The following NOP58 variants were observed in gnomAD, a reference collection of about 807,000 sequenced individuals.
NOP58 encodes the protein nucleolar protein 58.
Under a neutral mutation model 71.2 loss-of-function variants are expected in NOP58, and 44 were observed. The ratio of observed to expected loss-of-function variants is 0.62; its 90% CI spans 0.49 to 0.79. NOP58 has a LOEUF of 0.79. NOP58 is among the 30% of genes least tolerant of loss of function. The pLI, the probability that NOP58 is intolerant of heterozygous loss-of-function variation, is 0.00. For synonymous variants in NOP58, 228 were observed against 200.3 expected, an observed-to-expected ratio of 1.14 and a Z score of -1.17; for missense variants, 538 against 620.2, an observed-to-expected ratio of 0.87 and a Z score of 1.41.
intron 1 of NOP58, among the ~76,000 whole-genome samples, chr2:202,271,127 C>T (rs1166635238): frequency 6.6e-6 from 1 of 152,000 alleles, no homozygotes. Context: ...ATTCCATATA[C>T]CCTCACCAAT....
At chr2:202,267,622 A>G (rs778718078) in intron 1 of NOP58, among the ~76,000 whole-genome samples, 5 of 152,138 alleles carry the variant, frequency 3.3e-5, no homozygotes, top group African/African-American at 4.8e-5. Context: ...CTCTTAGCCA[A>G]TGTGGTCTGT....
chr2:202,272,573 A>T (rs376000669), intron 1 of NOP58, among the ~76,000 whole-genome samples: 2 of 152,236 alleles, frequency 1.3e-5, no homozygotes, highest in Non-Finnish European at 2.9e-5. Context: ...GGTATTAACA[A>T]TTTATAAACT....
chr2:202,293,228 CACTA>C, intron 9 of NOP58: 2 of 462,698 alleles, frequency 4.3e-6, no homozygotes, highest in Non-Finnish European at 8.5e-6. Context: ...AATAAAAACT[CACTA>C]GACCTAGATT....
intron 8 of NOP58, 46 bp downstream of exon 8, chr2:202,291,316 A>G (rs376772124): frequency 3.4e-6 from 5 of 1,452,180 alleles, no homozygotes; most frequent in Non-Finnish European, 4.7e-6. Context: ...TACCAGCTCT[A>G]TAGTACTAAT....
intron 10 of NOP58, 76 bp downstream of exon 10, chr2:202,295,913 T>C: frequency 9.1e-7 from 1 of 1,103,552 alleles, no homozygotes; most frequent in South Asian, 2.4e-5. Context: ...TTCTACTCTG[T>C]AGTACACATT....
At chr2:202,280,964 C>T (rs1016449606) in intron 3 of NOP58, among the ~76,000 whole-genome samples, 14 of 151,722 alleles carry the variant, frequency 9.2e-5, no homozygotes, top group Non-Finnish European at 1.9e-4. Flanking sequence ...CCTCGTGACC[C>T]GCTCACCTCA....
intron 6 of NOP58, among the ~76,000 whole-genome samples, chr2:202,287,996 C>A (rs941944464): frequency 6.6e-6 from 1 of 151,994 alleles, no homozygotes; most frequent in Admixed American, 6.6e-5. Context: ...TACCTATAAT[C>A]CCAGCTACTC....
chr2:202,269,790 A>T (rs887840339), intron 1 of NOP58, among the ~76,000 whole-genome samples: 2 of 152,198 alleles, frequency 1.3e-5, no homozygotes, highest in African/African-American at 4.8e-5. Context: ...TCCTTGTGTC[A>T]CGTGGCACAC....
At chr2:202,282,817 A>G (rs1294748407) in intron 4 of NOP58, among the ~76,000 whole-genome samples, 3 of 152,158 alleles carry the variant, frequency 2.0e-5, no homozygotes, top group Non-Finnish European at 4.4e-5. Flanking sequence ...TTAGAAATAT[A>G]TTTATTAGAA....
Position 202,277,951 on chromosome 2 carries a change from G to A in NOP58, c.124G>A (p.Val42Ile), listed in dbSNP as rs1688634086. Residue 42 changes from valine (V) to isoleucine (I), a missense_variant and splice_region_variant, in exon 3 of 15, where the codon GTA becomes ATA. Coordinates refer to ENST00000264279, the MANE Select transcript of NOP58 (RefSeq NM_015934.5). ...TATCTCTTTTTTTTTTAATTCTAGA[G>A]TAAAGCTAAAACATTTTGAGAAATT... is the stretch of plus-strand genomic sequence containing the variant. ...FETPEKANKIVKLKHFEKFQD... is the reference protein window; with the variant it reads ...FETPEKANKIIKLKHFEKFQD... 4.8e-6 allele frequency: 7 copies of A among 1,473,004 alleles called. No individual in the cohort carries two copies. The highest frequency in any genetic ancestry group is 1.8e-5 in the Admixed American group (1 of 54,144). The allele number at this position is 1,473,004 out of a possible 1,614,324, so 91.2% of individuals were successfully genotyped here.
At chr2:202,287,365 C>G (rs1033366771) in intron 5 of NOP58, among the ~76,000 whole-genome samples, 2 of 152,004 alleles carry the variant, frequency 1.3e-5, no homozygotes, top group Non-Finnish European at 2.9e-5. Context: ...CACGCCCAGT[C>G]CAATATGACT....
chr2:202,292,372 A>G (rs780870395), intron 8 of NOP58, among the ~76,000 whole-genome samples: 6 of 151,786 alleles, frequency 4.0e-5, no homozygotes, highest in Non-Finnish European at 7.4e-5. Flanking sequence ...ACATTATATA[A>G]CGAAGTCCTC....
rs201228054 is a variant in NOP58, at chr2:202,297,831, C to T, written c.1207-14C>T. ...ACTTAGAAGTGTATTTGTAATTTTT[C>T]GTTTTCTTCTTAGATAAGAAAAATA... On this transcript the variant is annotated splice_polypyrimidine_tract_variant and intron_variant, in intron 11 of 14. Transcript: ENST00000264279. The T allele has an allele frequency of 4.2e-4, 612 of 1,442,276 alleles. 1 individual carries two copies. The highest frequency in any genetic ancestry group is 8.4e-4 in the Admixed American group (41 of 48,698). The allele number at this position is 1,442,276 out of a possible 1,614,324, so 89.3% of individuals were successfully genotyped here.
intron 12 of NOP58, among the ~76,000 whole-genome samples, chr2:202,298,588 G>T (rs773137563): frequency 6.6e-6 from 1 of 152,082 alleles, no homozygotes; most frequent in African/African-American, 2.4e-5. Context: ...AGCTGAGATC[G>T]CGCCCCTGCA....
intron 14 of NOP58, 151 bp from the exon 15 acceptor site, chr2:202,303,235 A>G: frequency 1.5e-6 from 2 of 1,355,554 alleles, no homozygotes; most frequent in Non-Finnish European, 2.0e-6. Context: ...CAAATCTAGA[A>G]TTTATTACTA....
rs187376467 is a variant in NOP58, at chr2:202,296,293, T to G, written c.1071+456T>G. ...TCACTGCAACCTCCAGCTCCCTGGT[T>G]CAAACGATTCTCCTGCCTCCCTGCC... On this transcript the variant is annotated intron_variant, in intron 10 of 14. Coordinates refer to ENST00000264279, the MANE Select transcript of NOP58 (RefSeq NM_015934.5). Among the ~76,000 whole-genome samples, 1,126 of 152,258 alleles carry G rather than the reference T, an allele frequency of 7.4e-3. 10 individuals carry two copies. Among genetic ancestry groups the G allele is most frequent in the Non-Finnish European group, 0.012 (830 of 68,026 alleles).
At chr2:202,281,272 G>A (rs567149582) in intron 3 of NOP58, among the ~76,000 whole-genome samples, 6 of 151,548 alleles carry the variant, frequency 4.0e-5, no homozygotes, top group South Asian at 2.1e-4. Flanking sequence ...GATTACAGGC[G>A]TGAGCCACCA....
At chr2:202,269,240 C>A (rs960124463) in intron 1 of NOP58, among the ~76,000 whole-genome samples, 1 of 150,288 alleles carries the variant, frequency 6.7e-6, no homozygotes, top group Non-Finnish European at 1.5e-5. Flanking sequence ...GGTGTGATCT[C>A]GGCTCACTGC....
chr2:202,293,120 C>A (rs764057055), intron 9 of NOP58: 2 of 722,358 alleles, frequency 2.8e-6, no homozygotes, highest in East Asian at 2.7e-5. Flanking sequence ...TTAGTCACTA[C>A]CTCTTCTGAG....
Sources: allele counts gnomAD v4.1 joint callset (sites outside exome capture counted in the v4.1 genomes callset), GRCh38; gene constraint gnomAD v4.1.1; transcripts MANE v1.5; gene names NCBI Gene and HGNC (gene_info 2026-07-23, HGNC 2026-07-21).